The following UTS2B variants were observed in gnomAD, a reference collection of about 807,000 sequenced individuals.
The protein encoded by UTS2B is urotensin 2B, also known as urotensin-2B.
UTS2B carries 21 observed loss-of-function variants against 19.2 expected under a neutral mutation model. The observed-to-expected ratio is 1.09, with a 90% CI of 0.78 to 1.58. The LOEUF (loss-of-function observed/expected upper bound fraction) is 1.58. Among genes scored for constraint, UTS2B ranks in the 40% most tolerant of loss-of-function variants. UTS2B has a pLI of 0.00. For synonymous variants in UTS2B, 57 were observed against 50.2 expected (o/e 1.14, Z -0.58); for missense variants, 138 against 130.3 (o/e 1.06, Z -0.29).
intron 3 of UTS2B, among the ~76,000 whole-genome samples, chr3:191,306,290 C>T: frequency 6.6e-6 from 1 of 152,146 alleles, no homozygotes; most frequent in Admixed American, 6.5e-5. Context: ...AGGAAGACTA[C>T]ATTGCTTCAA....
At chr3:191,276,925 T>G in intron 6 of UTS2B, 81 bp from the exon 7 acceptor site, 6 of 1,255,996 alleles carry the variant, frequency 4.8e-6, no homozygotes, top group South Asian at 1.3e-5. Flanking sequence ...TTTAAGATCT[T>G]ACGTAGAAAG....
At chr3:191,281,596 C>A (rs1435213659) in intron 5 of UTS2B, among the ~76,000 whole-genome samples, 1 of 145,026 alleles carries the variant, frequency 6.9e-6, no homozygotes, top group Non-Finnish European at 1.5e-5. Flanking sequence ...TATGATTTCC[C>A]CCAATGCTTT....
At chr3:191,285,942 T>A (rs1716532133) in intron 4 of UTS2B, among the ~76,000 whole-genome samples, 1 of 151,972 alleles carries the variant, frequency 6.6e-6, no homozygotes, top group Non-Finnish European at 1.5e-5. Flanking sequence ...GAAAAAGATA[T>A]TCCATGCAAA....
upstream of UTS2B, among the ~76,000 whole-genome samples, chr3:191,332,982 C>T (rs138559627): frequency 8.2e-3 from 1,242 of 152,316 alleles, 13 homozygotes; most frequent in Middle Eastern, 0.034. Flanking sequence ...TTCAACCTCT[C>T]CTATTTTCTC....
intron 4 of UTS2B, among the ~76,000 whole-genome samples, chr3:191,296,827 A>G (rs1716869585): frequency 6.6e-6 from 1 of 152,242 alleles, no homozygotes; most frequent in Non-Finnish European, 1.5e-5. Flanking sequence ...AAAGATAGCA[A>G]GAGAAATCCA....
chr3:191,275,603 C>T (rs1716212549), intron 7 of UTS2B, among the ~76,000 whole-genome samples: 1 of 151,882 alleles, frequency 6.6e-6, no homozygotes, highest in Non-Finnish European at 1.5e-5. Flanking sequence ...TGGCGTGAAC[C>T]CAGGAGGTGG....
At chr3:191,295,653 G>C (rs910146012) in intron 4 of UTS2B, among the ~76,000 whole-genome samples, 2 of 151,748 alleles carry the variant, frequency 1.3e-5, no homozygotes, top group Non-Finnish European at 2.9e-5. Context: ...TTCTTACAAG[G>C]CTTCTCAACC....
intron 6 of UTS2B, among the ~76,000 whole-genome samples, chr3:191,277,297 T>C (rs1021028607): frequency 2.6e-5 from 4 of 152,164 alleles, no homozygotes; most frequent in Admixed American, 1.3e-4. Context: ...TTTTTGTTTT[T>C]ATAAATTTCA....
intron 8 of UTS2B, among the ~76,000 whole-genome samples, chr3:191,271,616 T>C (rs1560131146): frequency 6.6e-6 from 1 of 152,224 alleles, no homozygotes; most frequent in East Asian, 1.9e-4. Flanking sequence ...TACCTACTCC[T>C]ACTCAGCCTC....
chr3:191,279,696 A>G (rs924077198), intron 5 of UTS2B, among the ~76,000 whole-genome samples: 2 of 152,034 alleles, frequency 1.3e-5, no homozygotes, highest in Non-Finnish European at 2.9e-5. Flanking sequence ...TTTGCTTCCG[A>G]TAATTATACC....
At chr3:191,288,116 A>T (rs1247165958) in intron 4 of UTS2B, among the ~76,000 whole-genome samples, 1 of 152,206 alleles carries the variant, frequency 6.6e-6, no homozygotes, top group East Asian at 1.9e-4. Flanking sequence ...ACAACAAAAC[A>T]TTGATGAAAG....
Position 191,279,481 on chromosome 3 carries a change from A to G in UTS2B, c.104-1311T>C, listed in dbSNP as rs529548450. On this transcript the variant is annotated intron_variant, in intron 5 of 8. Coordinates refer to ENST00000340524, the MANE Select transcript of UTS2B (RefSeq NM_198152.5). ...AGGGATATTTCAGAGCCAGATAATAATTACTTGTTTCAGAAAGACAACTAT... is the reference window on the plus strand; with the variant it reads ...AGGGATATTTCAGAGCCAGATAATAGTTACTTGTTTCAGAAAGACAACTAT... Among the ~76,000 whole-genome samples, 269 of 152,176 alleles carry G rather than the reference A, an allele frequency of 1.8e-3. 2 individuals carry two copies. The highest frequency in any genetic ancestry group is 7.8e-4 in the Non-Finnish European group (53 of 67,920).
Position 191,276,799 on chromosome 3 carries a change from A to G in UTS2B, c.240+8T>C. On this transcript the variant is annotated splice_region_variant and intron_variant, in intron 7 of 8. Transcript: ENST00000340524. Reference sequence around the variant, plus strand: ...AAAACTGCTCATTTAAGTATTTCACATTCTCACCTGGTTAAGTTCTTCCAG... The same window carrying G: ...AAAACTGCTCATTTAAGTATTTCACGTTCTCACCTGGTTAAGTTCTTCCAG... 1 of 1,610,778 alleles carries G rather than the reference A, an allele frequency of 6.2e-7. No homozygotes were observed. Among genetic ancestry groups the G allele is most frequent in the Non-Finnish European group, 8.5e-7 (1 of 1,178,450 alleles).
At chr3:191,330,528 C>A (rs1717944960), upstream of UTS2B, 1 of 152,176 alleles carries the variant, frequency 6.6e-6, no homozygotes, top group Non-Finnish European at 1.5e-5. Context: ...TCGCCTTATG[C>A]CTTGAGTTAT....
At chr3:191,319,850 A>T (rs1194614021) in intron 2 of UTS2B, among the ~76,000 whole-genome samples, 1 of 148,676 alleles carries the variant, frequency 6.7e-6, no homozygotes, top group Non-Finnish European at 1.5e-5. Context: ...CCCAGGCAAC[A>T]GTGCGAGACT....
In UTS2B at chr3:191,296,554, A is replaced by C. The variant is rs533795741; in HGVS notation, c.-125+7938T>G. On this transcript the variant is annotated intron_variant, in intron 4 of 8. Coordinates refer to ENST00000340524, the MANE Select transcript of UTS2B (RefSeq NM_198152.5). ...CATACGGTTACTATCTCCAGTAACC[A>C]CAATTCCTGGCCCATAATTGTTTGC... Among the ~76,000 whole-genome samples, 125 of 152,350 alleles carry C rather than the reference A, an allele frequency of 8.2e-4. 1 individual carries two copies. In the Middle Eastern group the frequency reaches 0.037, roughly 46 times the overall value.
chr3:191,328,592 G>C (rs898266872), intron 2 of UTS2B, 39 bp downstream of exon 2: 3 of 152,268 alleles, frequency 2.0e-5, no homozygotes, highest in Non-Finnish European at 4.4e-5. Flanking sequence ...GGGTAGTCTC[G>C]AGGTTCAGAC....
intron 4 of UTS2B, among the ~76,000 whole-genome samples, chr3:191,297,963 G>T (rs988367983): frequency 6.6e-6 from 1 of 152,204 alleles, no homozygotes; most frequent in African/African-American, 2.4e-5. Flanking sequence ...ATAACACTGA[G>T]AATTCCAAGC....
intron 8 of UTS2B, among the ~76,000 whole-genome samples, chr3:191,269,603 C>A (rs1716033019): frequency 6.6e-6 from 1 of 151,864 alleles, no homozygotes; most frequent in South Asian, 2.1e-4. Context: ...GCTACAGCTT[C>A]AAGTGATTCT....
Sources: gnomAD v4.1 joint callset for allele counts (sites outside exome capture counted in the v4.1 genomes callset) on GRCh38, gnomAD v4.1.1 for gene constraint, MANE v1.5 for transcripts, NCBI Gene and HGNC (gene_info 2026-07-23, HGNC 2026-07-21) for gene names.